The following ERCC3 variants were observed in gnomAD, a reference collection of about 807,000 sequenced individuals.
ERCC3 encodes ERCC excision repair 3, TFIIH core complex helicase subunit.
In ERCC3, 66 loss-of-function variants were observed where a neutral mutation model predicts 94.2. The observed-to-expected ratio is 0.70, with a 90% CI of 0.57 to 0.86. The LOEUF is 0.86. Among genes scored for constraint, ERCC3 ranks in the 40% least tolerant of loss-of-function variants. ERCC3 has a pLI of 0.00. For synonymous variants in ERCC3, 349 were observed against 369.1 expected (o/e 0.95, Z 0.63); for missense variants, 829 against 987.1 (o/e 0.84, Z 2.15).
In ERCC3 at chr2:127,280,567, G is replaced by C; in HGVS notation, c.1407C>G (p.Thr469=). The C allele has an allele frequency of 1.2e-6, 2 of 1,614,120 alleles. No homozygotes were observed. Among genetic ancestry groups the C allele is most frequent in the Non-Finnish European group, 1.7e-6 (2 of 1,180,016 alleles). ...QAHCKLGLTA[T]LVREDDKIVD... ...CAATTTTGTCATCTTCGCGGACGAG[G>C]GTCGCAGTCAAACCCAGCTTACAGT... is the stretch of plus-strand genomic sequence containing the variant. Residue 469 remains threonine (T), a synonymous_variant, in exon 9 of 15, where the codon ACC becomes ACG. Coordinates refer to ENST00000285398, the MANE Select transcript of ERCC3 (RefSeq NM_000122.2). This position sits in a 1 kb window ranked among gnomAD's most constrained non-coding sequence, Gnocchi z 6.3.
At chr2:127,288,261 C>T (rs890243283) in intron 7 of ERCC3, among the ~76,000 whole-genome samples, 3 of 152,222 alleles carry the variant, frequency 2.0e-5, no homozygotes, top group Non-Finnish European at 2.9e-5. Flanking sequence ...AAATACACAA[C>T]CCCTAAGGCT....
intron 10 of ERCC3, among the ~76,000 whole-genome samples, chr2:127,276,718 A>T (rs1359887777): frequency 6.6e-6 from 1 of 152,238 alleles, no homozygotes; most frequent in Non-Finnish European, 1.5e-5. Flanking sequence ...TCAGAACTGA[A>T]GGACACGAGT....
Position 127,289,434 on chromosome 2 carries a change from G to A in ERCC3, c.725C>T (p.Ser242Phe), listed in dbSNP as rs1237231600. The A allele has an allele frequency of 6.2e-7, 1 of 1,613,138 alleles. No homozygotes were observed. The highest frequency in any genetic ancestry group is 1.1e-5 in the South Asian group (1 of 91,028). Residue 242 changes from serine to phenylalanine, a missense_variant, in exon 6 of 15, where the codon TCT becomes TTT. By Grantham distance (155) the Ser-to-Phe change is radical. Transcript: ENST00000285398. ...TSRVTDPQGK[S>F]DIPMDLFDFY... ...GTCAAACAGGTCCATGGGGATGTCAGATTTACCCTGTGGATCTGTCACTCG... is the reference window on the plus strand; with the variant it reads ...GTCAAACAGGTCCATGGGGATGTCAAATTTACCCTGTGGATCTGTCACTCG...
In ERCC3 at chr2:127,286,980, G is replaced by A. The variant is rs750761084; in HGVS notation, c.1065C>T (p.Cys355=). 13 of 1,613,670 alleles carry A rather than the reference G, an allele frequency of 8.1e-6. No homozygotes were observed. In the South Asian group the frequency reaches 1.2e-4, roughly 15 times the overall value. ...GKSLVGVTAA[C]TVRKRCLVLG... ...GCACCAGACAGCGTTTTCTGACAGT[G>A]CATGCAGCAGTCACACCAACCAGGG... Residue 355 remains cysteine (C), a synonymous_variant, in exon 8 of 15, where the codon TGC becomes TGT. Coordinates refer to ENST00000285398, the MANE Select transcript of ERCC3 (RefSeq NM_000122.2).
chr2:127,293,237 C>T (rs1378005280), intron 2 of ERCC3, among the ~76,000 whole-genome samples: 1 of 152,168 alleles, frequency 6.6e-6, no homozygotes, highest in Non-Finnish European at 1.5e-5. Flanking sequence ...GCTATTTATT[C>T]GGCAGATAAA....
At position 127,257,738 on chromosome 2, in the gene ERCC3, G is replaced by C; in HGVS notation, c.2218-11C>G. 1.9e-6 allele frequency: 3 copies of C among 1,614,116 alleles called. No individual in the cohort carries two copies. The highest frequency in any genetic ancestry group is 2.5e-6 in the Non-Finnish European group (3 of 1,179,990). ...AAAGCGCCGAGATGCCTGCCGGGAA[G>C]GGGGAACCAGCCCATGTTAGTCTCC... On this transcript the variant is annotated splice_polypyrimidine_tract_variant and intron_variant, in intron 14 of 14. Coordinates refer to ENST00000285398, the MANE Select transcript of ERCC3 (RefSeq NM_000122.2). This position sits in a 1 kb window ranked among gnomAD's most constrained non-coding sequence, Gnocchi z 5.4.
At chr2:127,263,240 G>T (rs368957447) in intron 12 of ERCC3, among the ~76,000 whole-genome samples, 1 of 152,198 alleles carries the variant, frequency 6.6e-6, no homozygotes, top group African/African-American at 2.4e-5. Flanking sequence ...TCTGTAGATT[G>T]TTTTGGGCAG....
At chr2:127,261,075 G>A in intron 13 of ERCC3, 153 bp downstream of exon 13, 3 of 691,000 alleles carry the variant, frequency 4.3e-6, no homozygotes, top group Non-Finnish European at 5.4e-6. Context: ...TGCCCTCAGA[G>A]ATTCATGCAG....
intron 5 of ERCC3, 28 bp downstream of exon 5, chr2:127,289,661 C>A (rs1458609678): frequency 3.1e-6 from 5 of 1,613,878 alleles, no homozygotes; most frequent in Non-Finnish European, 4.2e-6. Flanking sequence ...CCTGCCCCCA[C>A]CCAAGGGTGG....
At chr2:127,270,539 T>A (rs1409053216) in intron 12 of ERCC3, among the ~76,000 whole-genome samples, 1 of 152,208 alleles carries the variant, frequency 6.6e-6, no homozygotes, top group East Asian at 1.9e-4. Context: ...AGACGCTTCT[T>A]AAACACATCT....
rs982660927 is a variant in ERCC3, at chr2:127,280,997, G to A, written c.1343-366C>T. 2 of 445,218 alleles carry A rather than the reference G, an allele frequency of 4.5e-6. No homozygotes were observed. Among genetic ancestry groups the A allele is most frequent in the South Asian group, 1.4e-4 (2 of 14,698 alleles). The allele number at this position is 445,218 out of a possible 1,614,324, so 27.6% of individuals were successfully genotyped here. ...CCTGTCCAAAAGAAAATGAAAAGGA[G>A]AACAAGAGGGTGAAATGAGCTTAAG... On this transcript the variant is annotated intron_variant, in intron 8 of 14. Coordinates refer to ENST00000285398, the MANE Select transcript of ERCC3 (RefSeq NM_000122.2). This position sits in a 1 kb window ranked among gnomAD's most constrained non-coding sequence, Gnocchi z 6.3.
chr2:127,292,205 T>C (rs1320957753), intron 3 of ERCC3: 5 of 337,996 alleles, frequency 1.5e-5, no homozygotes, highest in African/African-American at 4.3e-5. Flanking sequence ...TACATTACCA[T>C]TGGATATTAG....
chr2:127,280,525 C>G lies in ERCC3; in HGVS notation c.1449G>C (p.Leu483=). The G allele has an allele frequency of 6.2e-7, 1 of 1,614,090 alleles. No homozygotes were observed. Among genetic ancestry groups the G allele is most frequent in the East Asian group, 2.2e-5 (1 of 44,886 alleles). ...EDDKIVDLNF[L]IGPKLYEANW... ...TGGCTTCGTAGAGCTTAGGCCCAAT[C>G]AGAAAATTTAAATCCACAATTTTGT... Residue 483 remains leucine (L), a synonymous_variant, in exon 9 of 15, where the codon CTG becomes CTC. Coordinates refer to ENST00000285398, the MANE Select transcript of ERCC3 (RefSeq NM_000122.2). The surrounding 1 kb of genome is among the most constrained non-coding windows in gnomAD (Gnocchi z 6.3).
rs59921131 is a variant in ERCC3, at chr2:127,272,007, C to CT, written c.1828-555dup. Among the ~76,000 whole-genome samples, 556 of 63,068 alleles carry CT rather than the reference C, an allele frequency of 8.8e-3. 63 individuals carry two copies. Among genetic ancestry groups the CT allele is most frequent in the African/African-American group, 0.024 (366 of 15,460 alleles). 41.4% of individuals were successfully genotyped at this position (63,068 alleles called of 152,430 possible). A position where few individuals can be genotyped will look rare whatever the true frequency, so the allele number is the denominator to read the frequency against. ...GCCACAATCACATAAAATCTCATTTCTTTTTTTTTTTTTTTTTTTTTTTTT... is the reference window on the plus strand; with the variant it reads ...GCCACAATCACATAAAATCTCATTTCTTTTTTTTTTTTTTTTTTTTTTTTTT... On this transcript the variant is annotated intron_variant, in intron 11 of 14. Coordinates refer to ENST00000285398, the MANE Select transcript of ERCC3 (RefSeq NM_000122.2).
chr2:127,259,585 C>T lies in ERCC3; in HGVS notation c.2065-137G>A. 9.2e-7 allele frequency: 1 copy of T among 1,087,296 alleles called. No homozygotes were observed. Among genetic ancestry groups the T allele is most frequent in the Non-Finnish European group, 1.4e-6 (1 of 714,146 alleles). The allele number at this position is 1,087,296 out of a possible 1,614,324, so 67.4% of individuals were successfully genotyped here. A position where few individuals can be genotyped will look rare whatever the true frequency, so the allele number is the denominator to read the frequency against. On this transcript the variant is annotated intron_variant, in intron 13 of 14. Coordinates refer to ENST00000285398, the MANE Select transcript of ERCC3 (RefSeq NM_000122.2). The surrounding 1 kb of genome is among the most constrained non-coding windows in gnomAD (Gnocchi z 4.9). Reference sequence around the variant, plus strand: ...CCCTGGTGGCCAACAATGGAGAGCTCCTCCCTAGCATTCCAGAGACCAGCA... The same window carrying T: ...CCCTGGTGGCCAACAATGGAGAGCTTCTCCCTAGCATTCCAGAGACCAGCA...
chr2:127,289,101 TCTC>T (rs1351863561), intron 6 of ERCC3, among the ~76,000 whole-genome samples: 3 of 152,012 alleles, frequency 2.0e-5, no homozygotes, highest in South Asian at 2.1e-4. Flanking sequence ...ATTTCTCACA[TCTC>T]CTCAGGAACC....
Position 127,294,060 on chromosome 2 carries a change from C to T in ERCC3, c.22G>A (p.Asp8Asn), listed in dbSNP as rs756810937. The T allele has an allele frequency of 3.1e-6, 5 of 1,607,598 alleles. No individual in the cohort carries two copies. The South Asian group carries it at 5.5e-5, about 18-fold the overall frequency. Reference sequence around the variant, plus strand: ...TGCCCGCGCAACGTCTCACCGCGGTCCGCTCGGTCTCTTTTGCCCATGGCA... The same window carrying T: ...TGCCCGCGCAACGTCTCACCGCGGTTCGCTCGGTCTCTTTTGCCCATGGCA... MGKRDRA[D>N]RDKKKSRKRH... The change falls in exon 1 of 15, where the codon GAC becomes AAC. Residue 8 changes from aspartate to asparagine, a missense_variant. Transcript: ENST00000285398.
rs1358772951 is a variant in ERCC3, at chr2:127,291,088, AAAG to A, written c.472-818_472-816del. Among the ~76,000 whole-genome samples the A allele has an allele frequency of 2.6e-5, 4 of 152,182 alleles. No individual in the cohort carries two copies. Among genetic ancestry groups the A allele is most frequent in the Admixed American group, 2.6e-4 (4 of 15,288 alleles). On this transcript the variant is annotated intron_variant, in intron 3 of 14. Coordinates refer to ENST00000285398, the MANE Select transcript of ERCC3 (RefSeq NM_000122.2). The surrounding 1 kb of genome is among the most constrained non-coding windows in gnomAD (Gnocchi z 4.9). ...CAGAGCAAGACTCCGTCTCAAAAAAAAAGAAAAAAAAAATTTGCCAGTCAGACT... is the reference window on the plus strand; with the variant it reads ...CAGAGCAAGACTCCGTCTCAAAAAAAAAAAAAAAAATTTGCCAGTCAGACT...
In ERCC3 at chr2:127,279,199, T is replaced by G. The variant is rs1187905742; in HGVS notation, c.1704A>C (p.Leu568=). 1 of 1,613,540 alleles carries G rather than the reference T, an allele frequency of 6.2e-7. No individual in the cohort carries two copies. Among genetic ancestry groups the G allele is most frequent in the South Asian group, 1.1e-5 (1 of 91,074 alleles). The change falls in exon 10 of 15, where the codon CTA becomes CTC. Residue 568 remains leucine (L), a synonymous_variant. Transcript: ENST00000285398. The surrounding 1 kb of genome is among the most constrained non-coding windows in gnomAD (Gnocchi z 4.7). ...TGTTCAGTCGAATGGCATATTCCTT[T>G]AGGGCAAACACATTGTCAGCAAAGA... ...IIVFADNVFA[L]KEYAIRLNKP... is the part of the protein sequence containing the mutation.
Sources: gnomAD v4.1 joint callset for allele counts (sites outside exome capture counted in the v4.1 genomes callset) on GRCh38, gnomAD v4.1.1 for gene constraint, Gnocchi (gnomAD v3.1) non-coding constraint, MANE v1.5 for transcripts, NCBI Gene and HGNC (gene_info 2026-07-23, HGNC 2026-07-21) for gene names.